SLC38A11: variants seen among roughly 807,000 people sequenced by gnomAD.
SLC38A11 encodes solute carrier family 38 member 11.
SLC38A11 carries 51 observed loss-of-function variants against 49.4 expected under a neutral mutation model. The observed-to-expected ratio is 1.03, with a 90% CI of 0.83 to 1.30. The LOEUF (loss-of-function observed/expected upper bound fraction) is 1.30. Ranked by LOEUF, SLC38A11 falls within the 50% of genes most tolerant of loss-of-function variation. The pLI is 0.00. For synonymous variants in SLC38A11, 203 were observed against 192.9 expected, an observed-to-expected ratio of 1.05 and a Z score of -0.43; for missense variants, 574 against 556.2, an observed-to-expected ratio of 1.03 and a Z score of -0.32.
chr2:164,901,784 T>C (rs1684666322), intron 11 of SLC38A11, among the ~76,000 whole-genome samples: 1 of 152,124 alleles, frequency 6.6e-6, no homozygotes, highest in South Asian at 2.1e-4. Context: ...GTACTTCCAG[T>C]ACTATGTTGA....
At chr2:164,906,141 T>G (rs1241660890) in intron 11 of SLC38A11, among the ~76,000 whole-genome samples, 1 of 152,176 alleles carries the variant, frequency 6.6e-6, no homozygotes, top group Non-Finnish European at 1.5e-5. Context: ...GTAGTGAATG[T>G]TCAGGCAGAT....
intron 5 of SLC38A11, among the ~76,000 whole-genome samples, chr2:164,940,396 T>C (rs1054892494): frequency 1.3e-5 from 2 of 151,246 alleles, no homozygotes; most frequent in Admixed American, 6.6e-5. Context: ...TATATCTATT[T>C]CAATGAAGAC....
Position 164,898,358 on chromosome 2 carries a change from A to G in SLC38A11, c.*79T>C. On this transcript the variant is annotated 3_prime_UTR_variant, in exon 12 of 12. Coordinates refer to ENST00000685975, the MANE Select transcript of SLC38A11 (RefSeq NM_001351537.2). ...AGCCAAAATAATAATTTTATATAAC[A>G]TAAATACAGACTAAAGCAAGCGTAA... 1 of 1,071,798 alleles carries G rather than the reference A, an allele frequency of 9.3e-7. No homozygotes were observed. Among genetic ancestry groups the G allele is most frequent in the East Asian group, 2.6e-5 (1 of 39,036 alleles). The allele number at this position is 1,071,798 out of a possible 1,614,324, so 66.4% of individuals were successfully genotyped here. A position where few individuals can be genotyped will look rare whatever the true frequency, so the allele number is the denominator to read the frequency against.
intron 7 of SLC38A11, among the ~76,000 whole-genome samples, chr2:164,926,346 C>G (rs1686582129): frequency 6.6e-6 from 1 of 152,220 alleles, no homozygotes; most frequent in Non-Finnish European, 1.5e-5. Context: ...TACACTGGCA[C>G]AGCTTTCAGC....
chr2:164,921,233 G>C (rs1305682388), intron 7 of SLC38A11, among the ~76,000 whole-genome samples: 1 of 152,116 alleles, frequency 6.6e-6, no homozygotes, highest in Non-Finnish European at 1.5e-5. Flanking sequence ...TTAAAGGGTT[G>C]AAATAAAAAA....
intron 9 of SLC38A11, among the ~76,000 whole-genome samples, chr2:164,913,537 T>C (rs921920628): frequency 1.3e-5 from 2 of 152,060 alleles, no homozygotes. Context: ...TGAATCTAAG[T>C]TGTATTTTAA....
At chr2:164,903,546 G>T (rs1454682731) in intron 11 of SLC38A11, among the ~76,000 whole-genome samples, 1 of 152,172 alleles carries the variant, frequency 6.6e-6, no homozygotes, top group Non-Finnish European at 1.5e-5. Flanking sequence ...ACTAAAGGTT[G>T]TTGCTAGAAG....
chr2:164,928,969 G>A (rs1437346361), intron 7 of SLC38A11, among the ~76,000 whole-genome samples: 1 of 151,972 alleles, frequency 6.6e-6, no homozygotes, highest in Non-Finnish European at 1.5e-5. Flanking sequence ...TCTAAGTTTT[G>A]ACTTAGTCTA....
Position 164,894,912 on chromosome 2 carries a change from C to T in SLC38A11, c.*3525G>A, listed in dbSNP as rs1245397640. 6.6e-6 allele frequency among the ~76,000 whole-genome samples: 1 copy of T among 152,004 alleles called. No homozygotes were observed. Among genetic ancestry groups the T allele is most frequent in the East Asian group, 1.9e-4 (1 of 5,174 alleles). ...TCCTACATCTTGCTTGTATTGTGTC[C>T]CAGCCTCTAAACAGATGGCTCCATC... is the stretch of plus-strand genomic sequence containing the variant. On this transcript the variant is annotated 3_prime_UTR_variant, in exon 12 of 12. Coordinates refer to ENST00000685975, the MANE Select transcript of SLC38A11 (RefSeq NM_001351537.2).
chr2:164,937,245 A>C, intron 7 of SLC38A11, 105 bp downstream of exon 7: 1 of 753,744 alleles, frequency 1.3e-6, no homozygotes, highest in East Asian at 2.5e-5. Context: ...AAGATAAATG[A>C]TGTTTCTGAT....
At chr2:164,902,528 T>G (rs1355776808) in intron 11 of SLC38A11, among the ~76,000 whole-genome samples, 2 of 152,200 alleles carry the variant, frequency 1.3e-5, no homozygotes, top group Non-Finnish European at 2.9e-5. Flanking sequence ...AATAGTATAA[T>G]GAAATCCTAT....
intron 11 of SLC38A11, among the ~76,000 whole-genome samples, chr2:164,906,294 T>G (rs929141177): frequency 1.3e-5 from 2 of 152,206 alleles, no homozygotes; most frequent in Non-Finnish European, 2.9e-5. Context: ...GGTGAAAGAT[T>G]ACTACTACTG....
chr2:164,901,556 A>G (rs1002034354), intron 11 of SLC38A11, among the ~76,000 whole-genome samples: 1 of 151,940 alleles, frequency 6.6e-6, no homozygotes, highest in African/African-American at 2.4e-5. Flanking sequence ...TTTTTCAGCT[A>G]GGTTATTATT....
At chr2:164,937,655 A>G in intron 6 of SLC38A11, 1 of 380,766 alleles carries the variant, frequency 2.6e-6, no homozygotes, top group Admixed American at 4.1e-5. Flanking sequence ...AGCAAGTATT[A>G]TACATGACTG....
chr2:164,955,342 G>T lies in SLC38A11; in HGVS notation c.-95C>A. ...CTCCGCCACCTCGCACACAGCCGAGGTCCGCGTGTAGCCGCAGAGCTGCAG... is the reference window on the plus strand; with the variant it reads ...CTCCGCCACCTCGCACACAGCCGAGTTCCGCGTGTAGCCGCAGAGCTGCAG... On this transcript the variant is annotated 5_prime_UTR_variant, in exon 1 of 12. Transcript: ENST00000685975. 8.0e-7 allele frequency: 1 copy of T among 1,244,828 alleles called. No homozygotes were observed. Among genetic ancestry groups the T allele is most frequent in the Non-Finnish European group, 1.1e-6 (1 of 871,666 alleles). 77.1% of individuals were successfully genotyped at this position (1,244,828 alleles called of 1,614,324 possible).
chr2:164,926,714 G>T (rs1370314140), intron 7 of SLC38A11, among the ~76,000 whole-genome samples: 1 of 151,966 alleles, frequency 6.6e-6, no homozygotes, highest in Non-Finnish European at 1.5e-5. Flanking sequence ...TCCTTTGTAG[G>T]GACATGGATG....
intron 10 of SLC38A11, among the ~76,000 whole-genome samples, chr2:164,910,930 T>C (rs1197611871): frequency 6.6e-6 from 1 of 152,084 alleles, no homozygotes; most frequent in African/African-American, 2.4e-5. Flanking sequence ...AGATAATATT[T>C]CTCTACAAAT....
intron 10 of SLC38A11, among the ~76,000 whole-genome samples, chr2:164,911,057 T>C (rs1409819806): frequency 6.6e-6 from 1 of 151,908 alleles, no homozygotes; most frequent in Non-Finnish European, 1.5e-5. Context: ...TTATGTATAG[T>C]TGTAAATATA....
At chr2:164,912,505 ATTC>A (rs1685471533) in intron 9 of SLC38A11, 3 of 152,094 alleles carry the variant, frequency 2.0e-5, no homozygotes, top group Admixed American at 2.0e-4. Context: ...TTGAAATGCT[ATTC>A]TTAGATCAAG....
Sources: gnomAD v4.1 joint callset for allele counts (sites outside exome capture counted in the v4.1 genomes callset) on GRCh38, gnomAD v4.1.1 for gene constraint, MANE v1.5 for transcripts, NCBI Gene and HGNC (gene_info 2026-07-23, HGNC 2026-07-21) for gene names.